TYR: variants seen among roughly 807,000 people sequenced by gnomAD.
TYR encodes the protein LB24-AB.
A neutral mutation model predicts 51.5 loss-of-function variants in TYR; 58 were observed. The observed-to-expected ratio is 1.13, with a 90% CI of 0.91 to 1.40. The LOEUF is 1.40. Ranked by LOEUF, TYR falls within the 40% of genes most tolerant of loss-of-function variation. TYR has a pLI of 0.00. For missense variants in TYR, 732 were observed against 647.4 expected (o/e 1.13, Z -1.42); for synonymous variants, 263 against 235.2 (o/e 1.12, Z -1.08).
chr11:89,235,325 T>C (rs1033051122), intron 3 of TYR, among the ~76,000 whole-genome samples: 2 of 152,190 alleles, frequency 1.3e-5, no homozygotes, highest in African/African-American at 4.8e-5. Flanking sequence ...CTTCTGACTA[T>C]ATATCAAAAG....
chr11:89,182,027 C>T (rs964414134), intron 1 of TYR, among the ~76,000 whole-genome samples: 1 of 152,088 alleles, frequency 6.6e-6, no homozygotes, highest in African/African-American at 2.4e-5. Flanking sequence ...ACTGATCCAC[C>T]TCTGTTACTC....
At chr11:89,194,565 A>C (rs192619703) in intron 2 of TYR, among the ~76,000 whole-genome samples, 225 of 152,296 alleles carry the variant, frequency 1.5e-3, no homozygotes, top group Non-Finnish European at 2.1e-3. Flanking sequence ...ATGGTTACAA[A>C]TTTATGATTT....
At chr11:89,285,579 C>A (rs1007066486) in intron 4 of TYR, among the ~76,000 whole-genome samples, 1 of 151,748 alleles carries the variant, frequency 6.6e-6, no homozygotes, top group Non-Finnish European at 1.5e-5. Context: ...TGCATAGAAC[C>A]ATGTCAGTAT....
chr11:89,289,697 C>T (rs1360482991), intron 4 of TYR, among the ~76,000 whole-genome samples: 2 of 151,880 alleles, frequency 1.3e-5, no homozygotes, highest in African/African-American at 4.8e-5. Context: ...AATACTTGCT[C>T]TTGAGAGTTT....
At position 89,258,474 on chromosome 11, in the gene TYR, G is replaced by A. The variant is rs1329572840; in HGVS notation, c.1185-26299G>A. Among the ~76,000 whole-genome samples the A allele has an allele frequency of 7.3e-5, 11 of 151,632 alleles. 1 individual carries two copies. In the South Asian group the frequency reaches 1.7e-3, roughly 23 times the overall value. ...AAAAAAAAAAAAGTGAAATAAGTTG[G>A]GGCTGTTTCTGGCTCAGTGTGAAGT... On this transcript the variant is annotated intron_variant, in intron 3 of 4. Coordinates refer to ENST00000263321, the MANE Select transcript of TYR (RefSeq NM_000372.5).
intron 4 of TYR, among the ~76,000 whole-genome samples, chr11:89,286,132 C>T (rs894790984): frequency 6.6e-6 from 1 of 151,722 alleles, no homozygotes; most frequent in East Asian, 1.9e-4. Context: ...GAAAATCCCA[C>T]AGCAGTGCTG....
chr11:89,293,565 T>G (rs1327703669), intron 4 of TYR, among the ~76,000 whole-genome samples: 2 of 151,880 alleles, frequency 1.3e-5, no homozygotes, highest in Non-Finnish European at 2.9e-5. Context: ...TTTTATTTGT[T>G]CAAAGTAACA....
At chr11:89,267,552 T>C (rs1276802353) in intron 3 of TYR, among the ~76,000 whole-genome samples, 1 of 152,000 alleles carries the variant, frequency 6.6e-6, no homozygotes, top group Non-Finnish European at 1.5e-5. Context: ...TCTGAATATA[T>C]GTTTTGAAGA....
intron 2 of TYR, among the ~76,000 whole-genome samples, chr11:89,197,818 G>GT (rs1190465370): frequency 6.6e-6 from 1 of 152,072 alleles, no homozygotes; most frequent in Non-Finnish European, 1.5e-5. Context: ...ATTGGTCCTT[G>GT]TTTTTGTCCT....
At chr11:89,279,401 G>A (rs571404136) in intron 3 of TYR, among the ~76,000 whole-genome samples, 5 of 151,774 alleles carry the variant, frequency 3.3e-5, no homozygotes, top group African/African-American at 9.6e-5. Context: ...AGGGACTGCT[G>A]CACAGAGAGG....
chr11:89,286,904 T>A (rs537400064), intron 4 of TYR, among the ~76,000 whole-genome samples: 1 of 151,948 alleles, frequency 6.6e-6, no homozygotes, highest in Admixed American at 6.6e-5. Flanking sequence ...TTTTCAAAGA[T>A]TTTCCATTTA....
intron 3 of TYR, among the ~76,000 whole-genome samples, chr11:89,231,461 A>G (rs2135284620): frequency 7.0e-6 from 1 of 143,214 alleles, no homozygotes; most frequent in Admixed American, 6.9e-5. Context: ...CTATTCTGCC[A>G]TAAAAAAGGA....
At position 89,191,529 on chromosome 11, in the gene TYR, A is replaced by C. The variant is rs1218765437; in HGVS notation, c.1036+111A>C. The C allele has an allele frequency of 1.1e-5, 11 of 1,030,212 alleles. No homozygotes were observed. In the Admixed American group the frequency reaches 1.3e-4, roughly 12 times the overall value. 63.8% of individuals were successfully genotyped at this position (1,030,212 alleles called of 1,614,324 possible). On this transcript the variant is annotated intron_variant, in intron 2 of 4. Coordinates refer to ENST00000263321, the MANE Select transcript of TYR (RefSeq NM_000372.5). ...TTCAGAATTTTCTGAGTTGACCAAG[A>C]ATATGTGTTGTATATACTTATATCG...
rs1944215243 is a variant in TYR at position 89,242,715 on chromosome 11, A to G, written c.1184+14745A>G. Among the ~76,000 whole-genome samples the G allele has an allele frequency of 4.6e-5, 7 of 152,286 alleles. No homozygotes were observed. In the South Asian group the frequency reaches 1.0e-3, roughly 23 times the overall value. ...CTTTTTTTACATTTAGAATCTGTTA[A>G]TTAGTATCCCTGGGAGTTCAGATAA... On this transcript the variant is annotated intron_variant, in intron 3 of 4. Coordinates refer to ENST00000263321, the MANE Select transcript of TYR (RefSeq NM_000372.5).
At chr11:89,218,405 A>T (rs770235302) in intron 2 of TYR, among the ~76,000 whole-genome samples, 4 of 152,188 alleles carry the variant, frequency 2.6e-5, no homozygotes, top group Non-Finnish European at 5.9e-5. Flanking sequence ...GTGAAAAACT[A>T]ATTATAATCC....
At chr11:89,252,030 C>G (rs1175770483) in intron 3 of TYR, among the ~76,000 whole-genome samples, 3 of 151,806 alleles carry the variant, frequency 2.0e-5, no homozygotes, top group Non-Finnish European at 4.4e-5. Flanking sequence ...ATCCTCACTA[C>G]AAAATGAGGA....
intron 2 of TYR, among the ~76,000 whole-genome samples, chr11:89,225,988 T>C (rs148322919): frequency 6.6e-6 from 1 of 152,126 alleles, no homozygotes; most frequent in Admixed American, 6.6e-5. Flanking sequence ...AATTGTTACA[T>C]ACCAATGAAA....
intron 4 of TYR, among the ~76,000 whole-genome samples, chr11:89,291,725 T>G (rs1944855015): frequency 6.6e-6 from 1 of 152,000 alleles, no homozygotes; most frequent in Admixed American, 6.6e-5. Flanking sequence ...TGCCCCTATA[T>G]CAGCTACTGT....
chr11:89,186,033 G>T (rs1206783187), intron 1 of TYR, among the ~76,000 whole-genome samples: 2 of 152,026 alleles, frequency 1.3e-5, no homozygotes, highest in Non-Finnish European at 2.9e-5. Context: ...TATTTGCTTT[G>T]GCCTTAAAGA....
Sources: allele counts gnomAD v4.1 joint callset (sites outside exome capture counted in the v4.1 genomes callset), GRCh38; gene constraint gnomAD v4.1.1; transcripts MANE v1.5; gene names NCBI Gene and HGNC (gene_info 2026-07-23, HGNC 2026-07-21).